The following MAP3K19 variants were observed in gnomAD, a reference collection of about 807,000 sequenced individuals.
The protein encoded by MAP3K19 is SPS1/STE20-related protein kinase YSK4.
A neutral mutation model predicts 114.4 loss-of-function variants in MAP3K19; 91 were observed. The observed-to-expected ratio is 0.80, with a 90% CI of 0.67 to 0.95. The LOEUF (loss-of-function observed/expected upper bound fraction) is 0.95, where lower values mean the gene tolerates loss of function less well. Ranked by LOEUF, MAP3K19 falls within the 40% of genes least tolerant of loss-of-function variation. The probability of loss-of-function intolerance (pLI) is 0.00; values close to 1 mark genes in which losing one functional copy is unlikely to be tolerated. For synonymous variants in MAP3K19, 518 were observed against 530.5 expected, an observed-to-expected ratio of 0.98 and a Z score of 0.32; for missense variants, 1,471 against 1,573.2, an observed-to-expected ratio of 0.94 and a Z score of 1.10.
rs776669468 is a variant in MAP3K19, at chr2:134,987,035, A to T, written c.1837T>A (p.Ser613Thr). The T allele has an allele frequency of 6.2e-7, 1 of 1,613,094 alleles. No homozygotes were observed. Among genetic ancestry groups the T allele is most frequent in the South Asian group, 1.1e-5 (1 of 91,074 alleles). The change falls in exon 10 of 13, where the codon TCA (serine) becomes ACA (threonine). Residue 613 changes from serine (S) to threonine (T), a missense_variant. By Grantham distance (58) the Ser-to-Thr change is moderately conservative. Coordinates refer to ENST00000392915, the MANE Select transcript of MAP3K19 (RefSeq NM_025052.5). ...THRTQKPKKQSFPCICKNPGT... is the reference protein window; with the variant it reads ...THRTQKPKKQTFPCICKNPGT... Reference sequence around the variant, plus strand: ...GGATTTTTACAGATGCAAGGAAATGATTGCTTTTTAGGTTTCTGAGTCCGG... The same window carrying T: ...GGATTTTTACAGATGCAAGGAAATGTTTGCTTTTTAGGTTTCTGAGTCCGG...
chr2:134,985,191 T>C (rs1432932099), intron 10 of MAP3K19, among the ~76,000 whole-genome samples: 2 of 152,212 alleles, frequency 1.3e-5, no homozygotes, highest in African/African-American at 4.8e-5. Context: ...TATTTCAGGA[T>C]TTTTGCTTAC....
At chr2:134,992,339 C>T (rs374862276) in intron 8 of MAP3K19, among the ~76,000 whole-genome samples, 138 of 152,258 alleles carry the variant, frequency 9.1e-4, no homozygotes, top group African/African-American at 3.2e-3. Flanking sequence ...GGAAGACTCA[C>T]CTAGGGAACG....
intron 12 of MAP3K19, among the ~76,000 whole-genome samples, chr2:134,967,861 T>C (rs546462835): frequency 1.3e-4 from 20 of 151,954 alleles, no homozygotes; most frequent in Middle Eastern, 3.4e-3. Flanking sequence ...TTCTTTCTTT[T>C]TTTTTTTTTT....
In MAP3K19 at chr2:134,999,084, A is replaced by G; in HGVS notation, c.315-87T>C. ...CCTCAGTTCAGCCTGACATCACTAG[A>G]AAGTTTGAAGAACTACTTCCAAATG... On this transcript the variant is annotated intron_variant, in intron 7 of 12. Transcript: ENST00000392915. This position sits in a 1 kb window ranked among gnomAD's most constrained non-coding sequence, Gnocchi z 4.1. 1 of 1,446,066 alleles carries G rather than the reference A, an allele frequency of 6.9e-7. No homozygotes were observed. The highest frequency in any genetic ancestry group is 9.3e-7 in the Non-Finnish European group (1 of 1,069,830). 89.6% of individuals were successfully genotyped at this position (1,446,066 alleles called of 1,614,324 possible).
chr2:134,977,159 T>G (rs1282310003), intron 12 of MAP3K19, among the ~76,000 whole-genome samples: 2 of 151,110 alleles, frequency 1.3e-5, no homozygotes, highest in Non-Finnish European at 2.9e-5. Flanking sequence ...GGATACCATT[T>G]CTAGCTACCA....
intron 1 of MAP3K19, among the ~76,000 whole-genome samples, chr2:135,042,533 TAAAAAGA>T (rs1289348388): frequency 2.0e-5 from 3 of 147,218 alleles, no homozygotes; most frequent in Non-Finnish European, 4.5e-5. Context: ...AAAAGAAAAT[TAAAAAGA>T]AAAAAGAAAG....
At chr2:134,992,156 A>T (rs758192202) in intron 8 of MAP3K19, among the ~76,000 whole-genome samples, 25 of 152,226 alleles carry the variant, frequency 1.6e-4, no homozygotes, top group South Asian at 2.1e-4. Flanking sequence ...TCTCTGGAGC[A>T]ATACACTAAC....
chr2:134,987,323 T>C lies in MAP3K19; in HGVS notation c.1549A>G (p.Ser517Gly), dbSNP rs1685211409. ...TRKGTIHNNH[S>G]VNIPVHQEND... ...TCTTGGTGTACAGGTATGTTGACAC[T>C]ATGGTTGTTATGAATGGTTCCCTTT... Residue 517 changes from serine (S) to glycine (G), a missense_variant, in exon 10 of 13, where the codon AGT (serine) becomes GGT (glycine). Physicochemically the swap from Ser to Gly is moderately conservative, Grantham distance 56. Transcript: ENST00000392915. 2 of 1,614,224 alleles carry C rather than the reference T, an allele frequency of 1.2e-6. No homozygotes were observed. Among genetic ancestry groups the C allele is most frequent in the Non-Finnish European group, 1.7e-6 (2 of 1,180,036 alleles).
In MAP3K19 at chr2:134,987,564, C is replaced by T. The variant is rs528073720; in HGVS notation, c.1308G>A (p.Glu436=). 2 of 1,614,168 alleles carry T rather than the reference C, an allele frequency of 1.2e-6. No individual in the cohort carries two copies. Among genetic ancestry groups the T allele is most frequent in the South Asian group, 2.2e-5 (2 of 91,074 alleles). ...EAMEPNNILE[E]CTVLKSLSSV... is the part of the protein sequence containing the mutation. The stretch of plus-strand genomic sequence containing the variant: ...TGGATAAGCTTTTAAGTACAGTACA[C>T]TCTTCTAAAATATTGTTTGGTTCCA... The change falls in exon 10 of 13, where the codon GAG becomes GAA. Residue 436 remains glutamate (E), a synonymous_variant. Transcript: ENST00000392915.
At position 134,985,946 on chromosome 2, in the gene MAP3K19, C is replaced by T. The variant is rs1685063388; in HGVS notation, c.2926G>A (p.Glu976Lys). Residue 976 changes from glutamate to lysine, a missense_variant, in exon 10 of 13, where the codon GAA (glutamate) becomes AAA (lysine). Coordinates refer to ENST00000392915, the MANE Select transcript of MAP3K19 (RefSeq NM_025052.5). ...TDELLGCLAA[E>K]LLALDEKDNN... Reference sequence around the variant, plus strand: ...TCTTTCTCATCAAGAGCTAATAATTCTGCAGCTAGACAACCTAATAGTTCA... The same window carrying T: ...TCTTTCTCATCAAGAGCTAATAATTTTGCAGCTAGACAACCTAATAGTTCA... 6.2e-7 allele frequency: 1 copy of T among 1,614,002 alleles called. No individual in the cohort carries two copies. The highest frequency in any genetic ancestry group is 1.7e-5 in the Admixed American group (1 of 60,008).
intron 5 of MAP3K19, among the ~76,000 whole-genome samples, chr2:135,017,103 A>G (rs1687626088): frequency 6.6e-6 from 1 of 152,168 alleles, no homozygotes; most frequent in Non-Finnish European, 1.5e-5. Context: ...GCTTTCCTCA[A>G]ATACCTGATA....
intron 5 of MAP3K19, among the ~76,000 whole-genome samples, chr2:135,008,403 G>A (rs1429250043): frequency 6.6e-6 from 1 of 152,208 alleles, no homozygotes; most frequent in African/African-American, 2.4e-5. Flanking sequence ...TTACAGGCGT[G>A]AGCCACCACG....
intron 5 of MAP3K19, 27 bp downstream of exon 5, chr2:135,021,688 G>C: frequency 7.4e-7 from 1 of 1,344,730 alleles, no homozygotes; most frequent in Non-Finnish European, 1.1e-6. Context: ...TAGGCTGTCC[G>C]TTGTTTCTTT....
At chr2:135,036,665 G>T (rs947533818) in intron 2 of MAP3K19, among the ~76,000 whole-genome samples, 1 of 151,396 alleles carries the variant, frequency 6.6e-6, no homozygotes, top group Non-Finnish European at 1.5e-5. Flanking sequence ...GTGTGTGTGT[G>T]TGTGTGTGTG....
intron 12 of MAP3K19, among the ~76,000 whole-genome samples, chr2:134,974,536 A>C (rs1684095269): frequency 6.6e-6 from 1 of 152,184 alleles, no homozygotes; most frequent in Admixed American, 6.5e-5. Context: ...CTGGATGTTT[A>C]AATCTCTTGC....
At position 135,005,730 on chromosome 2, in the gene MAP3K19, T is replaced by C. The variant is rs576150959; in HGVS notation, c.139-199A>G. On this transcript the variant is annotated intron_variant, in intron 5 of 12. Transcript: ENST00000392915. ...CTCAGACAGTCATGGTTGTGATTAATTGCATAATCAAAAATGAGGAGCAAA... is the reference window on the plus strand; with the variant it reads ...CTCAGACAGTCATGGTTGTGATTAACTGCATAATCAAAAATGAGGAGCAAA... 2.6e-5 allele frequency among the ~76,000 whole-genome samples: 4 copies of C among 152,324 alleles called. No homozygotes were observed. In the South Asian group the frequency reaches 6.2e-4, roughly 24 times the overall value.
intron 6 of MAP3K19, among the ~76,000 whole-genome samples, chr2:135,000,594 G>C (rs570164588): frequency 3.3e-5 from 5 of 152,062 alleles, no homozygotes; most frequent in African/African-American, 1.2e-4. Flanking sequence ...TCCATTTAAC[G>C]AACTTTTATT....
chr2:134,997,583 G>C (rs1686090951), intron 8 of MAP3K19, among the ~76,000 whole-genome samples: 1 of 152,152 alleles, frequency 6.6e-6, no homozygotes, highest in South Asian at 2.1e-4. Flanking sequence ...CACTGTGGGA[G>C]GCCAAGGTGG....
chr2:134,997,525 C>CA (rs1381123205), intron 8 of MAP3K19, among the ~76,000 whole-genome samples: 3 of 151,234 alleles, frequency 2.0e-5, no homozygotes, highest in Non-Finnish European at 3.0e-5. Flanking sequence ...CATAATAAAA[C>CA]AAAAAAAAAT....
Sources: allele counts gnomAD v4.1 joint callset (sites outside exome capture counted in the v4.1 genomes callset), GRCh38; gene constraint gnomAD v4.1.1; non-coding constraint Gnocchi (gnomAD v3.1); transcripts MANE v1.5; gene names NCBI Gene and HGNC (gene_info 2026-07-23, HGNC 2026-07-21).